Variants in GRID2 observed in about 807,000 individuals in gnomAD.
GRID2 encodes the protein glutamate ionotropic receptor delta type subunit 2.
Under a neutral mutation model 114.8 loss-of-function variants are expected in GRID2, and 33 were observed. That is an observed-to-expected ratio of 0.29 (90% CI 0.22 to 0.38). The LOEUF is 0.38. Among genes scored for constraint, GRID2 ranks in the 10% least tolerant of loss-of-function variants. GRID2 has a pLI of 1.00. For synonymous variants in GRID2, 505 were observed against 449.9 expected (o/e 1.12, Z -1.55); for missense variants, 1,184 against 1,257.7 (o/e 0.94, Z 0.89).
At chr4:92,587,617 C>G (rs1714600539) in intron 1 of GRID2, among the ~76,000 whole-genome samples, 1 of 152,090 alleles carries the variant, frequency 6.6e-6, no homozygotes, top group Admixed American at 6.5e-5. Context: ...ATTTTCTGTT[C>G]TTTGATTACA....
chr4:93,318,487 A>G (rs1756910084), intron 8 of GRID2: 1 of 152,128 alleles, frequency 6.6e-6, no homozygotes, highest in Non-Finnish European at 1.5e-5. Context: ...AGGCTACTTA[A>G]AGCAAAAAGT....
At chr4:92,810,538 A>T (rs1740619297) in intron 2 of GRID2, among the ~76,000 whole-genome samples, 1 of 152,144 alleles carries the variant, frequency 6.6e-6, no homozygotes, top group East Asian at 1.9e-4. Flanking sequence ...CATTTTTCAC[A>T]TTGGCACTGT....
At chr4:93,434,554 C>A (rs914858512) in intron 10 of GRID2, among the ~76,000 whole-genome samples, 28 of 151,754 alleles carry the variant, frequency 1.8e-4, no homozygotes, top group African/African-American at 6.3e-4. Flanking sequence ...AAAACAAAAA[C>A]AAAAACAAAA....
intron 1 of GRID2, among the ~76,000 whole-genome samples, chr4:92,412,271 G>A (rs867161486): frequency 2.2e-4 from 34 of 151,930 alleles, no homozygotes; most frequent in African/African-American, 7.7e-4. Flanking sequence ...TTCTAAATTG[G>A]AAACCAAGCT....
intron 14 of GRID2, among the ~76,000 whole-genome samples, chr4:93,666,300 G>C (rs1183024059): frequency 6.6e-6 from 1 of 151,992 alleles, no homozygotes; most frequent in Non-Finnish European, 1.5e-5. Context: ...ATTTGGTCCT[G>C]AGAATGCAGC....
At position 92,304,716 on chromosome 4, in the gene GRID2, G is replaced by C; in HGVS notation, c.60G>C (p.Ser20=). ...TCTGGTGGTCTCGAACCTGGGACTC[G>C]GCGAATGCGGATTCGATCATTCACA... The part of the protein sequence containing the change: ...LSVWWSRTWD[S]ANADSIIHIG... The change falls in exon 1 of 16, where the codon TCG becomes TCC. Residue 20 remains serine (S), a synonymous_variant. Coordinates refer to ENST00000282020, the MANE Select transcript of GRID2 (RefSeq NM_001510.4). The C allele has an allele frequency of 6.2e-7, 1 of 1,613,176 alleles. No individual in the cohort carries two copies.
chr4:92,716,891 A>G (rs551631541), intron 2 of GRID2, among the ~76,000 whole-genome samples: 1 of 152,304 alleles, frequency 6.6e-6, no homozygotes, highest in South Asian at 2.1e-4. Flanking sequence ...TTCGATTCTG[A>G]CCTGATATCA....
chr4:92,767,291 C>T (rs1738313789), intron 2 of GRID2, among the ~76,000 whole-genome samples: 1 of 152,134 alleles, frequency 6.6e-6, no homozygotes, highest in Non-Finnish European at 1.5e-5. Context: ...GCCTTGCTAA[C>T]TTGCCTGTAA....
chr4:92,681,980 G>A (rs952774168), intron 2 of GRID2, among the ~76,000 whole-genome samples: 1 of 152,020 alleles, frequency 6.6e-6, no homozygotes, highest in African/African-American at 2.4e-5. Flanking sequence ...ACTTGGAGAT[G>A]TCTTTTATAG....
At chr4:93,586,036 A>G (rs1737508332) in intron 13 of GRID2, among the ~76,000 whole-genome samples, 1 of 152,134 alleles carries the variant, frequency 6.6e-6, no homozygotes, top group Non-Finnish European at 1.5e-5. Flanking sequence ...GATGACAGCC[A>G]AACCTATGGC....
At chr4:93,625,897 A>G (rs1742670273) in intron 13 of GRID2, among the ~76,000 whole-genome samples, 1 of 151,778 alleles carries the variant, frequency 6.6e-6, no homozygotes, top group African/African-American at 2.4e-5. Context: ...CCTGGGCGAC[A>G]GAGCAAGACT....
chr4:92,977,805 T>G (rs928029025), intron 2 of GRID2, among the ~76,000 whole-genome samples: 12 of 152,132 alleles, frequency 7.9e-5, no homozygotes, highest in African/African-American at 2.7e-4. Flanking sequence ...CAAGGGTGAT[T>G]TCCATATTTC....
intron 1 of GRID2, among the ~76,000 whole-genome samples, chr4:92,372,832 C>T (rs535323541): frequency 6.6e-6 from 1 of 152,090 alleles, no homozygotes; most frequent in Admixed American, 6.6e-5. Context: ...AATTAATTGA[C>T]TCTGATGCTG....
intron 2 of GRID2, among the ~76,000 whole-genome samples, chr4:92,747,875 G>A (rs113211804): frequency 0.011 from 1,682 of 152,140 alleles, 36 homozygotes; most frequent in African/African-American, 0.038. Flanking sequence ...GATCATACAT[G>A]GACTCCTGAG....
chr4:93,433,045 G>A (rs1036465516), intron 10 of GRID2, among the ~76,000 whole-genome samples: 7 of 152,168 alleles, frequency 4.6e-5, no homozygotes, highest in Admixed American at 4.6e-4. Context: ...ACTCTAGCCT[G>A]GATGACAGAG....
At chr4:92,643,333 T>A (rs1371033111) in intron 2 of GRID2, among the ~76,000 whole-genome samples, 4 of 151,562 alleles carry the variant, frequency 2.6e-5, no homozygotes, top group South Asian at 4.2e-4. Context: ...CTGGAAGTCT[T>A]AGCCAGAGCA....
intron 4 of GRID2, among the ~76,000 whole-genome samples, chr4:93,139,087 CA>C (rs1735527556): frequency 6.6e-6 from 1 of 152,198 alleles, no homozygotes; most frequent in Non-Finnish European, 1.5e-5. Flanking sequence ...ACTCAAATTA[CA>C]GTATCTCAAG....
At chr4:92,420,659 C>T (rs1014400035) in intron 1 of GRID2, among the ~76,000 whole-genome samples, 1 of 152,046 alleles carries the variant, frequency 6.6e-6, no homozygotes, top group African/African-American at 2.4e-5. Context: ...CAGACATGGA[C>T]ATCACCCACA....
intron 12 of GRID2, among the ~76,000 whole-genome samples, chr4:93,497,899 AAAT>A (rs1727704319): frequency 6.6e-6 from 1 of 151,854 alleles, no homozygotes; most frequent in African/African-American, 2.4e-5. Context: ...TAATTGCATT[AAAT>A]AAATTGGAGT....
Sources: gnomAD v4.1 joint callset for allele counts (sites outside exome capture counted in the v4.1 genomes callset) on GRCh38, gnomAD v4.1.1 for gene constraint, MANE v1.5 for transcripts, NCBI Gene and HGNC (gene_info 2026-07-23, HGNC 2026-07-21) for gene names.